Variants in LPP observed in about 807,000 individuals in gnomAD.
The protein encoded by LPP is LIM domain containing preferred translocation partner in lipoma.
In LPP, 38 loss-of-function variants were observed where a neutral mutation model predicts 60.4. The ratio of observed to expected loss-of-function variants is 0.63; its 90% CI spans 0.49 to 0.83. The LOEUF is 0.83. Among genes scored for constraint, LPP ranks in the 40% least tolerant of loss-of-function variants. LPP has a pLI of 0.00. For synonymous variants in LPP, 328 were observed against 290.8 expected (o/e 1.13, Z -1.30); for missense variants, 902 against 783.6 (o/e 1.15, Z -1.80).
intron 4 of LPP, among the ~76,000 whole-genome samples, chr3:188,473,239 A>G (rs955987866): frequency 2.0e-5 from 3 of 152,182 alleles, no homozygotes; most frequent in African/African-American, 7.2e-5. Context: ...CATCTTACAT[A>G]ACCACGGTAG....
intron 9 of LPP, among the ~76,000 whole-genome samples, chr3:188,801,959 G>C (rs1434398551): frequency 1.3e-5 from 2 of 152,110 alleles, no homozygotes; most frequent in East Asian, 3.8e-4. Context: ...AATGTGTTTT[G>C]ATTTTAGCAT....
At chr3:188,671,038 T>A (rs1334038016) in intron 7 of LPP, among the ~76,000 whole-genome samples, 4 of 152,226 alleles carry the variant, frequency 2.6e-5, no homozygotes, top group African/African-American at 4.8e-5. Flanking sequence ...TATTTGTTTA[T>A]GCAGTTTAAG....
intron 7 of LPP, among the ~76,000 whole-genome samples, chr3:188,626,559 G>A (rs1846885592): frequency 6.6e-6 from 1 of 152,056 alleles, no homozygotes; most frequent in African/African-American, 2.4e-5. Flanking sequence ...GTACTCACAA[G>A]GTTGCTTTCC....
intron 2 of LPP, among the ~76,000 whole-genome samples, chr3:188,227,977 CTG>C (rs943849259): frequency 4.6e-5 from 7 of 152,356 alleles, no homozygotes; most frequent in African/African-American, 1.7e-4. Context: ...AAAGGAATAT[CTG>C]GGTGCTGTTA....
intron 4 of LPP, among the ~76,000 whole-genome samples, chr3:188,467,984 C>T (rs959651808): frequency 6.6e-6 from 1 of 152,144 alleles, no homozygotes; most frequent in African/African-American, 2.4e-5. Flanking sequence ...CGAATACACA[C>T]AATATCATGT....
chr3:188,388,778 T>G (rs1778971263), intron 3 of LPP, among the ~76,000 whole-genome samples: 1 of 152,208 alleles, frequency 6.6e-6, no homozygotes. Context: ...CTGAAAGCAG[T>G]AACTTTTAAG....
At chr3:188,600,376 T>C (rs1840886781) in intron 6 of LPP, among the ~76,000 whole-genome samples, 1 of 151,104 alleles carries the variant, frequency 6.6e-6, no homozygotes, top group Non-Finnish European at 1.5e-5. Flanking sequence ...CCCTTTAAAA[T>C]AACCAATGTT....
intron 5 of LPP, among the ~76,000 whole-genome samples, chr3:188,491,052 G>A (rs1808222894): frequency 2.0e-5 from 3 of 152,254 alleles, no homozygotes; most frequent in South Asian, 2.1e-4. Context: ...GAGCCACCGC[G>A]CCTGGCCGGC....
Position 188,609,685 on chromosome 3 carries a change from T to C in LPP, c.954T>C (p.Gly318=). 6.2e-7 allele frequency: 1 copy of C among 1,614,012 alleles called. No individual in the cohort carries two copies. The highest frequency in any genetic ancestry group is 8.5e-7 in the Non-Finnish European group (1 of 1,179,998). ...GGRNDSDPTY[G]QQGHPNTWKR... ...GAAATGACTCTGACCCTACCTATGGTCAACAAGGTCACCCAAATACCTGGA... is the reference window on the plus strand; with the variant it reads ...GAAATGACTCTGACCCTACCTATGGCCAACAAGGTCACCCAAATACCTGGA... The change falls in exon 7 of 12, where the codon GGT becomes GGC. Residue 318 remains glycine (G), a synonymous_variant. Coordinates refer to ENST00000617246, the MANE Select transcript of LPP (RefSeq NM_001375462.1). This position sits in a 1 kb window ranked among gnomAD's most constrained non-coding sequence, Gnocchi z 6.9.
intron 3 of LPP, among the ~76,000 whole-genome samples, chr3:188,368,908 T>C (rs1772139468): frequency 6.6e-6 from 1 of 152,170 alleles, no homozygotes; most frequent in African/African-American, 2.4e-5. Context: ...AAGAGGTGTG[T>C]GTGAAAGAGA....
At chr3:188,391,266 A>G (rs1180713136) in intron 3 of LPP, among the ~76,000 whole-genome samples, 1 of 152,308 alleles carries the variant, frequency 6.6e-6, no homozygotes, top group African/African-American at 2.4e-5. Context: ...CATATCACTC[A>G]GTACTTCTGG....
intron 4 of LPP, among the ~76,000 whole-genome samples, chr3:188,483,995 A>G (rs1403613880): frequency 6.6e-6 from 1 of 151,996 alleles, no homozygotes; most frequent in Non-Finnish European, 1.5e-5. Context: ...ATTATTTTAC[A>G]TTCCTGTGTC....
intron 4 of LPP, among the ~76,000 whole-genome samples, chr3:188,438,462 T>C (rs1408230301): frequency 6.6e-6 from 1 of 151,654 alleles, no homozygotes; most frequent in African/African-American, 2.4e-5. Flanking sequence ...ATTTTCTGGA[T>C]GAGGAAACTG....
intron 1 of LPP, among the ~76,000 whole-genome samples, chr3:188,220,344 T>C (rs771524916): frequency 1.2e-4 from 19 of 152,172 alleles, no homozygotes; most frequent in Non-Finnish European, 2.2e-4. Context: ...TCTGTGGCAC[T>C]TGTCCTCCCT....
intron 3 of LPP, among the ~76,000 whole-genome samples, chr3:188,385,155 A>G (rs1777947714): frequency 3.3e-5 from 5 of 151,958 alleles, no homozygotes; most frequent in African/African-American, 1.2e-4. Context: ...GTCCACCTCA[A>G]TTGAGAACTG....
chr3:188,603,411 G>A (rs186486703), intron 6 of LPP, among the ~76,000 whole-genome samples: 1 of 151,786 alleles, frequency 6.6e-6, no homozygotes, highest in East Asian at 1.9e-4. Context: ...GAGAGAGGTG[G>A]ATGGTTTTTA....
chr3:188,515,252 G>A (rs1049498061), intron 5 of LPP, among the ~76,000 whole-genome samples: 1 of 152,032 alleles, frequency 6.6e-6, no homozygotes, highest in African/African-American at 2.4e-5. Flanking sequence ...GGGTTCACAC[G>A]AGATCTGGTT....
intron 6 of LPP, among the ~76,000 whole-genome samples, chr3:188,593,743 C>T (rs1839426446): frequency 6.6e-6 from 1 of 152,196 alleles, no homozygotes; most frequent in East Asian, 1.9e-4. Flanking sequence ...AGTCTCTAAT[C>T]TCATCCAGGT....
At chr3:188,496,998 A>T (rs1402083592) in intron 5 of LPP, among the ~76,000 whole-genome samples, 1 of 133,280 alleles carries the variant, frequency 7.5e-6, no homozygotes, top group Non-Finnish European at 1.5e-5. Flanking sequence ...GTGGAAAAAA[A>T]GTTTCTGTGG....
Sources: gnomAD v4.1 joint callset for allele counts (sites outside exome capture counted in the v4.1 genomes callset) on GRCh38, gnomAD v4.1.1 for gene constraint, Gnocchi (gnomAD v3.1) non-coding constraint, MANE v1.5 for transcripts, NCBI Gene and HGNC (gene_info 2026-07-23, HGNC 2026-07-21) for gene names.